The following ENOX1 variants were observed in gnomAD, a reference collection of about 807,000 sequenced individuals.
ENOX1 encodes the protein candidate growth-related and time keeping constitutive hydroquinone (NADH) oxidase.
A neutral mutation model predicts 82.5 loss-of-function variants in ENOX1; 42 were observed. The observed-to-expected ratio is 0.51, with a 90% CI of 0.40 to 0.66. The LOEUF is 0.66. Among genes scored for constraint, ENOX1 ranks in the 30% least tolerant of loss-of-function variants. The pLI, the probability that ENOX1 is intolerant of heterozygous loss-of-function variation, is 0.00. For missense variants in ENOX1, 608 were observed against 811.6 expected (o/e 0.75, Z 3.05); for synonymous variants, 271 against 282.2 (o/e 0.96, Z 0.40).
chr13:43,629,560 G>A (rs1293626710), intron 2 of ENOX1, among the ~76,000 whole-genome samples: 1 of 152,176 alleles, frequency 6.6e-6, no homozygotes, highest in Non-Finnish European at 1.5e-5. Flanking sequence ...GGAGGAATAG[G>A]AAAATCACAT....
chr13:43,545,755 T>A (rs1593746759), intron 2 of ENOX1: 2 of 152,366 alleles, frequency 1.3e-5, no homozygotes, highest in South Asian at 4.1e-4. Flanking sequence ...GGAAGTAGAT[T>A]GCTATTTATG....
At chr13:43,525,998 C>T (rs1255260604) in intron 2 of ENOX1, among the ~76,000 whole-genome samples, 2 of 152,066 alleles carry the variant, frequency 1.3e-5, no homozygotes, top group Non-Finnish European at 2.9e-5. Context: ...ATAACGGTTT[C>T]TACTTTGGAC....
chr13:43,639,279 G>A lies in ENOX1; in HGVS notation c.-219+28200C>T, dbSNP rs367650214. ...ACGGCGCCACTGCACTCCAACCTGG[G>A]CGGCAGAGTGAGAATCCACCTCAAA... On this transcript the variant is annotated intron_variant, in intron 2 of 16. Coordinates refer to ENST00000690772, the MANE Select transcript of ENOX1 (RefSeq NM_001347969.2). 1.6e-3 allele frequency among the ~76,000 whole-genome samples: 245 copies of A among 152,310 alleles called. 1 individual carries two copies. Among genetic ancestry groups the A allele is most frequent in the African/African-American group, 4.7e-3 (195 of 41,560 alleles).
At chr13:43,352,791 T>C (rs2049892228) in intron 8 of ENOX1, among the ~76,000 whole-genome samples, 1 of 152,194 alleles carries the variant, frequency 6.6e-6, no homozygotes, top group Non-Finnish European at 1.5e-5. Context: ...AAGTAGCCAG[T>C]GAATGGGATA....
intron 2 of ENOX1, among the ~76,000 whole-genome samples, chr13:43,644,499 C>A (rs993216847): frequency 6.6e-6 from 1 of 152,040 alleles, no homozygotes; most frequent in Non-Finnish European, 1.5e-5. Flanking sequence ...AAATAATAGA[C>A]AATAAGTGAA....
intron 3 of ENOX1, among the ~76,000 whole-genome samples, chr13:43,416,509 G>A (rs372561228): frequency 0.01 from 1,540 of 147,208 alleles, 15 homozygotes; most frequent in Non-Finnish European, 0.015. Flanking sequence ...ATGGGTGGCC[G>A]GGCAGAGGCG....
Position 43,222,312 on chromosome 13 carries a change from C to A in ENOX1, c.1800+1741G>T, listed in dbSNP as rs994036302. On this transcript the variant is annotated intron_variant, in intron 16 of 16. Coordinates refer to ENST00000690772, the MANE Select transcript of ENOX1 (RefSeq NM_001347969.2). ...GAACAAGAGCTTCTACCCGCCACCC[C>A]CTCCCCGCCAGCCAAAACAAATCAA... is the stretch of plus-strand genomic sequence containing the variant. Among the ~76,000 whole-genome samples, 3 of 152,014 alleles carry A rather than the reference C, an allele frequency of 2.0e-5. No homozygotes were observed. In the East Asian group the frequency reaches 5.8e-4, roughly 29 times the overall value.
intron 1 of ENOX1, among the ~76,000 whole-genome samples, chr13:43,716,745 G>T (rs564590058): frequency 2.2e-4 from 33 of 150,524 alleles, no homozygotes; most frequent in Middle Eastern, 3.4e-3. Flanking sequence ...TAACATTCTA[G>T]CTGAGAACCA....
intron 12 of ENOX1, among the ~76,000 whole-genome samples, chr13:43,286,127 G>A (rs1210166755): frequency 6.6e-6 from 1 of 152,170 alleles, no homozygotes; most frequent in East Asian, 1.9e-4. Context: ...GGGCTTCAGT[G>A]TGAATGAGTC....
chr13:43,352,590 G>C (rs1278999756), intron 8 of ENOX1, among the ~76,000 whole-genome samples: 2 of 152,144 alleles, frequency 1.3e-5, no homozygotes, highest in African/African-American at 4.8e-5. Context: ...ATAAACTTTG[G>C]GTTTCTGAGC....
intron 1 of ENOX1, among the ~76,000 whole-genome samples, chr13:43,694,511 T>C (rs1175397952): frequency 6.6e-6 from 1 of 152,168 alleles, no homozygotes; most frequent in African/African-American, 2.4e-5. Context: ...TCTTTTACTC[T>C]CTGGTAGGTT....
chr13:43,219,489 T>C (rs1179869044), intron 16 of ENOX1, among the ~76,000 whole-genome samples: 2 of 152,202 alleles, frequency 1.3e-5, no homozygotes, highest in Non-Finnish European at 2.9e-5. Context: ...GGCCTATATA[T>C]TTTCAATCTT....
chr13:43,683,379 G>A (rs1389135183), intron 1 of ENOX1, among the ~76,000 whole-genome samples: 1 of 152,158 alleles, frequency 6.6e-6, no homozygotes, highest in Non-Finnish European at 1.5e-5. Flanking sequence ...GGTCCAGCTG[G>A]TGATGGGGAG....
At chr13:43,531,123 A>G (rs1177576078) in intron 2 of ENOX1, among the ~76,000 whole-genome samples, 1 of 152,024 alleles carries the variant, frequency 6.6e-6, no homozygotes, top group Non-Finnish European at 1.5e-5. Context: ...TACAAGAAGT[A>G]AAAATAGTAT....
chr13:43,549,728 T>C (rs889066952), intron 2 of ENOX1, among the ~76,000 whole-genome samples: 1 of 152,228 alleles, frequency 6.6e-6, no homozygotes, highest in Non-Finnish European at 1.5e-5. Context: ...AATGCTCTTA[T>C]GGCTCCTCCT....
At chr13:43,377,198 AG>A (rs1277858022) in intron 5 of ENOX1, among the ~76,000 whole-genome samples, 1 of 152,196 alleles carries the variant, frequency 6.6e-6, no homozygotes, top group Admixed American at 6.5e-5. Flanking sequence ...TAGTTATTGT[AG>A]GATTGGGTTA....
intron 1 of ENOX1, among the ~76,000 whole-genome samples, chr13:43,717,292 A>G (rs1175703779): frequency 6.6e-6 from 1 of 152,204 alleles, no homozygotes; most frequent in African/African-American, 2.4e-5. Flanking sequence ...GCAATGGGGA[A>G]AGGACTTCCT....
intron 2 of ENOX1, among the ~76,000 whole-genome samples, chr13:43,541,022 C>T (rs112967732): frequency 2.5e-4 from 36 of 145,472 alleles, no homozygotes; most frequent in African/African-American, 8.7e-4. Context: ...TTTATATCTA[C>T]AGTAAATAAA....
intron 2 of ENOX1, among the ~76,000 whole-genome samples, chr13:43,564,485 G>T (rs2079831142): frequency 6.6e-6 from 1 of 152,022 alleles, no homozygotes; most frequent in East Asian, 1.9e-4. Flanking sequence ...ATTTGAGGAG[G>T]AGGCCTAAAA....
Sources: allele counts gnomAD v4.1 joint callset (sites outside exome capture counted in the v4.1 genomes callset), GRCh38; gene constraint gnomAD v4.1.1; transcripts MANE v1.5; gene names NCBI Gene and HGNC (gene_info 2026-07-23, HGNC 2026-07-21).